The following FGF14 variants were observed in gnomAD, a reference collection of about 807,000 sequenced individuals.
The protein encoded by FGF14 is fibroblast growth factor 14.
A neutral mutation model predicts 25.5 loss-of-function variants in FGF14; 5 were observed. The observed-to-expected ratio is 0.20, with a 90% CI of 0.10 to 0.41. The LOEUF is 0.41. FGF14 is among the 10% of genes least tolerant of loss of function. The pLI is 1.00. For missense variants in FGF14, 222 were observed against 320.1 expected, an observed-to-expected ratio of 0.69 and a Z score of 2.34; for synonymous variants, 138 against 118.3, an observed-to-expected ratio of 1.17 and a Z score of -1.08.
At chr13:101,731,045 C>G (rs1473827855) in intron 3 of FGF14, among the ~76,000 whole-genome samples, 1 of 152,088 alleles carries the variant, frequency 6.6e-6, no homozygotes, top group Non-Finnish European at 1.5e-5. Flanking sequence ...TTTTGTTTTT[C>G]AACCTTGAGT....
intron 1 of FGF14, 127 bp downstream of exon 1, chr13:101,916,326 G>C (rs1047289026): frequency 3.4e-6 from 4 of 1,167,600 alleles, no homozygotes; most frequent in Non-Finnish European, 5.0e-6. Context: ...CACCCAGAGT[G>C]CTCAGAAGGG....
chr13:101,986,943 C>T (rs1177357673), intron 1 of FGF14, among the ~76,000 whole-genome samples: 1 of 138,824 alleles, frequency 7.2e-6, no homozygotes, highest in East Asian at 2.9e-4. Flanking sequence ...TGCATGCACA[C>T]ACACACACAC....
chr13:102,155,535 C>T (rs2047290651), intron 1 of FGF14, among the ~76,000 whole-genome samples: 1 of 152,156 alleles, frequency 6.6e-6, no homozygotes, highest in Non-Finnish European at 1.5e-5. Context: ...AAATTTATAG[C>T]ACTAAATGCC....
At chr13:102,025,543 G>A (rs10161841) in intron 1 of FGF14, among the ~76,000 whole-genome samples, 6,657 of 151,920 alleles carry the variant, frequency 0.044, 466 homozygotes, top group African/African-American at 0.15. Context: ...TGAGTAGCTG[G>A]GACTACAGGT....
At chr13:102,296,695 C>G (rs35404851) in intron 1 of FGF14, among the ~76,000 whole-genome samples, 1,667 of 152,250 alleles carry the variant, frequency 0.011, 17 homozygotes, top group Non-Finnish European at 0.019. Context: ...CCACTTCCCC[C>G]AGAAAAGCAG....
intron 1 of FGF14, among the ~76,000 whole-genome samples, chr13:101,971,718 G>A (rs76091339): frequency 2.2e-3 from 328 of 152,332 alleles, no homozygotes; most frequent in African/African-American, 7.4e-3. Flanking sequence ...TTTCACAGAT[G>A]AGAGAAATAG....
chr13:101,868,704 G>A lies in FGF14; in HGVS notation c.408+21C>T, dbSNP rs767124603. On this transcript the variant is annotated intron_variant, in intron 3 of 4. Transcript: ENST00000376143. ...TTACATGCATTGAACGAATGGCCGA[G>A]ATCTTTGGCGTCTTACTTACTGATG... is the stretch of plus-strand genomic sequence containing the variant. The A allele has an allele frequency of 4.9e-6, 7 of 1,415,634 alleles. No individual in the cohort carries two copies. The East Asian group carries it at 1.4e-4, about 28-fold the overall frequency. The allele number at this position is 1,415,634 out of a possible 1,614,324, so 87.7% of individuals were successfully genotyped here.
chr13:101,868,663 T>C (rs2044868300), intron 3 of FGF14, 62 bp downstream of exon 3: 2 of 1,039,638 alleles, frequency 1.9e-6, no homozygotes, highest in Non-Finnish European at 3.1e-6. Context: ...TTTTTGTTGT[T>C]GCTGCCATTG....
intron 1 of FGF14, among the ~76,000 whole-genome samples, chr13:102,008,395 C>T (rs1832227412): frequency 2.0e-5 from 3 of 152,186 alleles, no homozygotes; most frequent in South Asian, 2.1e-4. Flanking sequence ...GATGAACAGA[C>T]CTCAGTACTC....
chr13:101,878,412 T>A (rs1373750757), intron 1 of FGF14, among the ~76,000 whole-genome samples: 1 of 152,198 alleles, frequency 6.6e-6, no homozygotes, highest in South Asian at 2.1e-4. Flanking sequence ...GACAATTTTA[T>A]GGTAATTTTA....
chr13:102,264,768 C>T (rs2052903203), intron 1 of FGF14, among the ~76,000 whole-genome samples: 3 of 152,242 alleles, frequency 2.0e-5, no homozygotes, highest in Admixed American at 6.5e-5. Context: ...GGAACCATGA[C>T]CTGTTGTCAA....
chr13:102,212,567 TCTC>T (rs552646510), intron 1 of FGF14, among the ~76,000 whole-genome samples: 179 of 152,230 alleles, frequency 1.2e-3, no homozygotes, highest in African/African-American at 4.1e-3. Context: ...ATATCTCTCT[TCTC>T]CTTCTCCTTC....
At chr13:101,862,059 G>C (rs995592685) in intron 3 of FGF14, among the ~76,000 whole-genome samples, 2 of 152,140 alleles carry the variant, frequency 1.3e-5, no homozygotes, top group African/African-American at 2.4e-5. Context: ...GGCTAGAGCA[G>C]ATAAGGTAAT....
chr13:102,037,183 T>C (rs900191986), intron 1 of FGF14, among the ~76,000 whole-genome samples: 1 of 152,134 alleles, frequency 6.6e-6, no homozygotes, highest in Non-Finnish European at 1.5e-5. Flanking sequence ...TCTATTATAT[T>C]GTATTAATTT....
rs370395487 is a variant in FGF14, at chr13:102,024,644, G to A, written c.209-149348C>T. Among the ~76,000 whole-genome samples the A allele has an allele frequency of 5.3e-5, 8 of 151,794 alleles. No homozygotes were observed. In the East Asian group the frequency reaches 1.6e-3, roughly 30 times the overall value. On this transcript the variant is annotated intron_variant, in intron 1 of 4. Transcript: ENST00000376131. ...GTTAAATGTATCTATTTTATCTTTT[G>A]TGACTTGTGATTTTTGTGTCTTTTC...
chr13:102,340,465 CAA>C (rs778016820), intron 1 of FGF14, among the ~76,000 whole-genome samples: 5 of 147,658 alleles, frequency 3.4e-5, no homozygotes, highest in East Asian at 1.9e-4. Context: ...ACACACACGC[CAA>C]AAAAAGAGTG....
intron 1 of FGF14, among the ~76,000 whole-genome samples, chr13:102,037,141 C>T (rs917973489): frequency 1.3e-5 from 2 of 152,124 alleles, no homozygotes; most frequent in African/African-American, 2.4e-5. Context: ...TAACTCTTAA[C>T]TAGATTTTAT....
intron 1 of FGF14, among the ~76,000 whole-genome samples, chr13:102,370,711 T>A (rs990532196): frequency 8.5e-5 from 13 of 152,200 alleles, no homozygotes; most frequent in Non-Finnish European, 1.6e-4. Flanking sequence ...GTTATTCTTA[T>A]AATACCGACT....
intron 1 of FGF14, among the ~76,000 whole-genome samples, chr13:102,379,195 T>TGTAC (rs2058118145): frequency 6.6e-6 from 1 of 152,078 alleles, no homozygotes; most frequent in Non-Finnish European, 1.5e-5. Context: ...GAGCTCTACT[T>TGTAC]TCAAGTTTGG....
Sources: allele counts gnomAD v4.1 joint callset (sites outside exome capture counted in the v4.1 genomes callset), GRCh38; gene constraint gnomAD v4.1.1; transcripts MANE v1.5; gene names NCBI Gene and HGNC (gene_info 2026-07-23, HGNC 2026-07-21).